Variants in LRP1B observed in about 807,000 individuals in gnomAD.
LRP1B encodes LDL receptor related protein 1B, also known as low-density lipoprotein receptor-related protein 1B.
In LRP1B, 217 loss-of-function variants were observed where a neutral mutation model predicts 556.6. That is an observed-to-expected ratio of 0.39 (90% CI 0.35 to 0.44). The LOEUF is 0.44. Among genes scored for constraint, LRP1B ranks in the 20% least tolerant of loss-of-function variants. LRP1B has a pLI of 1.00. For missense variants in LRP1B, 5,053 were observed against 5,620.8 expected (o/e 0.90, Z 3.23); for synonymous variants, 2,047 against 1,865.8 (o/e 1.10, Z -2.50).
intron 2 of LRP1B, among the ~76,000 whole-genome samples, chr2:141,685,877 T>G (rs555484882): frequency 4.6e-5 from 7 of 152,048 alleles, no homozygotes; most frequent in Admixed American, 2.6e-4. Context: ...TAGAGATTAT[T>G]TTCATATATA....
At chr2:140,986,191 C>T (rs1017852494) in intron 17 of LRP1B, among the ~76,000 whole-genome samples, 4 of 150,836 alleles carry the variant, frequency 2.7e-5, no homozygotes, top group Admixed American at 6.6e-5. Context: ...TTTGAGTTCT[C>T]GTTCAGTTAT....
At chr2:141,620,288 G>T in intron 2 of LRP1B, among the ~76,000 whole-genome samples, 1 of 152,202 alleles carries the variant, frequency 6.6e-6, no homozygotes. Context: ...TCATAAAAGG[G>T]TTGTGAAGAA....
At chr2:141,187,146 C>A (rs989063692) in intron 7 of LRP1B, among the ~76,000 whole-genome samples, 3 of 152,076 alleles carry the variant, frequency 2.0e-5, no homozygotes, top group Non-Finnish European at 2.9e-5. Flanking sequence ...AATACGACTT[C>A]TTTTCCTAAT....
At chr2:141,145,028 A>G (rs186706876) in intron 7 of LRP1B, among the ~76,000 whole-genome samples, 1 of 152,310 alleles carries the variant, frequency 6.6e-6, no homozygotes, top group East Asian at 1.9e-4. Flanking sequence ...CTCTATCTCG[A>G]AAGAGAACCC....
intron 18 of LRP1B, among the ~76,000 whole-genome samples, chr2:140,958,719 C>T (rs905462869): frequency 6.6e-6 from 1 of 151,564 alleles, no homozygotes; most frequent in African/African-American, 2.4e-5. Flanking sequence ...TTCACATAAA[C>T]ACCGTAGTGA....
At chr2:141,116,907 G>A (rs796267813) in intron 7 of LRP1B, among the ~76,000 whole-genome samples, 1 of 152,024 alleles carries the variant, frequency 6.6e-6, no homozygotes. Context: ...GTGATAGTGT[G>A]TTTTCAGTAT....
intron 40 of LRP1B, among the ~76,000 whole-genome samples, chr2:140,701,124 C>T (rs1011348986): frequency 1.1e-4 from 16 of 152,064 alleles, no homozygotes; most frequent in African/African-American, 3.9e-4. Context: ...ATTTCTTCAC[C>T]AGTCTAATTC....
intron 3 of LRP1B, among the ~76,000 whole-genome samples, chr2:141,428,469 A>C (rs1004464108): frequency 2.6e-5 from 4 of 152,334 alleles, no homozygotes; most frequent in African/African-American, 9.6e-5. Flanking sequence ...CTCACTGTTA[A>C]ATTTCTGGGT....
intron 18 of LRP1B, among the ~76,000 whole-genome samples, chr2:140,972,033 C>T (rs1314092612): frequency 1.3e-5 from 2 of 152,076 alleles, no homozygotes; most frequent in Admixed American, 6.5e-5. Context: ...AACTACAAGC[C>T]GTTTTTAATA....
At chr2:141,132,792 G>A (rs1391146494) in intron 7 of LRP1B, among the ~76,000 whole-genome samples, 1 of 151,898 alleles carries the variant, frequency 6.6e-6, no homozygotes, top group Admixed American at 6.6e-5. Context: ...ATATTTGGGA[G>A]CATGTGTGTG....
At chr2:142,021,319 C>T (rs1408959690) in intron 1 of LRP1B, among the ~76,000 whole-genome samples, 3 of 150,888 alleles carry the variant, frequency 2.0e-5, no homozygotes, top group East Asian at 1.9e-4. Flanking sequence ...TGTGTATGTG[C>T]GTGTGTGTGT....
chr2:140,963,908 G>C (rs1696114888), intron 18 of LRP1B, among the ~76,000 whole-genome samples: 1 of 152,190 alleles, frequency 6.6e-6, no homozygotes, highest in Non-Finnish European at 1.5e-5. Context: ...CGACGAGAGA[G>C]TGTAGAAATA....
chr2:141,271,082 A>C (rs978796395), intron 3 of LRP1B, among the ~76,000 whole-genome samples: 13 of 151,980 alleles, frequency 8.6e-5, no homozygotes, highest in African/African-American at 3.1e-4. Context: ...CTAAATAGGA[A>C]TTCTTGGTTT....
At chr2:140,376,301 C>T (rs767480551) in intron 68 of LRP1B, among the ~76,000 whole-genome samples, 13 of 152,078 alleles carry the variant, frequency 8.5e-5, no homozygotes, top group Non-Finnish European at 1.6e-4. Flanking sequence ...TATTTGATTT[C>T]GCATATGCAC....
At chr2:140,683,947 G>T in intron 41 of LRP1B, 1 of 384,018 alleles carries the variant, frequency 2.6e-6, no homozygotes, top group Non-Finnish European at 4.8e-6. Flanking sequence ...GCTACGTGAC[G>T]CGCCTTTACT....
rs142463474 is a variant in LRP1B, at chr2:141,565,095, T to G, written c.206-84562A>C. On this transcript the variant is annotated intron_variant, in intron 2 of 90. Transcript: ENST00000389484. ...TAGCTCTGTTGTCTTGGTCCACTAT[T>G]AGAGCCACCTAAATAATTGTTATTT... Among the ~76,000 whole-genome samples the G allele has an allele frequency of 2.6e-3, 396 of 152,220 alleles. 2 individuals are homozygous for G. The highest frequency in any genetic ancestry group is 9.1e-3 in the African/African-American group (378 of 41,550).
chr2:140,758,476 T>G (rs1004037091), intron 35 of LRP1B, among the ~76,000 whole-genome samples: 13 of 152,036 alleles, frequency 8.6e-5, no homozygotes, highest in African/African-American at 2.9e-4. Context: ...TTTAAAAAAT[T>G]TAAACAAATA....
intron 2 of LRP1B, among the ~76,000 whole-genome samples, chr2:141,508,082 T>TG (rs750745601): frequency 2.4e-5 from 1 of 41,180 alleles, no homozygotes; most frequent in South Asian, 9.4e-4. Context: ...GGAGACTCCA[T>TG]CCCCCCCCCA....
At chr2:140,322,180 G>A (rs2105054270) in intron 81 of LRP1B, 92 bp from the exon 82 acceptor site, 1 of 1,223,870 alleles carries the variant, frequency 8.2e-7, no homozygotes, top group Non-Finnish European at 1.2e-6. Flanking sequence ...TGATTAATTA[G>A]CAATGTTGAA....
Sources: gnomAD v4.1 joint callset for allele counts (sites outside exome capture counted in the v4.1 genomes callset) on GRCh38, gnomAD v4.1.1 for gene constraint, MANE v1.5 for transcripts, NCBI Gene and HGNC (gene_info 2026-07-23, HGNC 2026-07-21) for gene names.